Variants in SENP8 observed in about 807,000 individuals in gnomAD.
The protein encoded by SENP8 is sentrin-specific protease 8.
A neutral mutation model predicts 14.4 loss-of-function variants in SENP8; 10 were observed. The observed-to-expected ratio is 0.69, with a 90% CI of 0.43 to 1.18. The LOEUF (loss-of-function observed/expected upper bound fraction) is 1.18. SENP8 is among the 50% of genes most tolerant of loss of function. SENP8 has a pLI of 0.00. For synonymous variants in SENP8, 94 were observed against 95.5 expected, an observed-to-expected ratio of 0.98 and a Z score of 0.09; for missense variants, 202 against 249.4, an observed-to-expected ratio of 0.81 and a Z score of 1.28.
chr15:72,130,557 A>ATTT (rs11411490), intron 1 of SENP8, among the ~76,000 whole-genome samples: 5,033 of 105,874 alleles, frequency 0.048, 225 homozygotes, highest in East Asian at 0.15. Context: ...ATGTTTTAGG[A>ATTT]TTTTTTTTTT....
chr15:72,118,015 G>C, upstream of SENP8: 1 of 398,400 alleles, frequency 2.5e-6, no homozygotes, highest in Non-Finnish European at 4.4e-6. Flanking sequence ...CGCAGTCCGG[G>C]CTGTCCTGTA....
At chr15:72,131,539 T>C (rs1466445752) in intron 1 of SENP8, among the ~76,000 whole-genome samples, 1 of 152,240 alleles carries the variant, frequency 6.6e-6, no homozygotes, top group Non-Finnish European at 1.5e-5. Flanking sequence ...AATATTCAAG[T>C]AGTGTGCATC....
At chr15:72,117,564 C>T, upstream of SENP8, 1 of 374,440 alleles carries the variant, frequency 2.7e-6, no homozygotes, top group Middle Eastern at 6.8e-4. Context: ...CGCAGACCCG[C>T]TCGCGGGGCG....
At chr15:72,138,671 T>TA (rs2081350157) in intron 1 of SENP8, among the ~76,000 whole-genome samples, 1 of 150,090 alleles carries the variant, frequency 6.7e-6, no homozygotes, top group Non-Finnish European at 1.5e-5. Flanking sequence ...TTTGACTCCC[T>TA]AAAAAAATAC....
intron 1 of SENP8, among the ~76,000 whole-genome samples, chr15:72,126,630 AT>A (rs1047607412): frequency 6.3e-3 from 4 of 636 alleles, no homozygotes; most frequent in Non-Finnish European, 0.01. Context: ...ATCTCAAAAA[AT>A]AGGAAAATTT....
At chr15:72,136,922 A>G (rs1330570913) in intron 1 of SENP8, among the ~76,000 whole-genome samples, 1 of 152,170 alleles carries the variant, frequency 6.6e-6, no homozygotes, top group East Asian at 1.9e-4. Flanking sequence ...AGGCTCAAAT[A>G]TTCTACACCC....
chr15:72,124,904 T>C (rs1017221589), intron 1 of SENP8, among the ~76,000 whole-genome samples: 10 of 152,198 alleles, frequency 6.6e-5, no homozygotes, highest in Admixed American at 2.6e-4. Context: ...TTTCTGTATA[T>C]TTTTATCATA....
At chr15:72,137,884 A>T (rs555825608) in intron 1 of SENP8, among the ~76,000 whole-genome samples, 1 of 152,072 alleles carries the variant, frequency 6.6e-6, no homozygotes, top group East Asian at 1.9e-4. Context: ...AGGCAGGAGA[A>T]TGGTGTGAAC....
intron 1 of SENP8, among the ~76,000 whole-genome samples, chr15:72,127,484 A>G (rs1283643232): frequency 1.3e-5 from 2 of 152,102 alleles, no homozygotes; most frequent in African/African-American, 4.8e-5. Context: ...TTGAGGAGTA[A>G]AAAGAAAGTC....
chr15:72,120,291 A>G (rs553334566), intron 1 of SENP8, among the ~76,000 whole-genome samples: 1 of 152,366 alleles, frequency 6.6e-6, no homozygotes, highest in East Asian at 1.9e-4. Context: ...GAGAAGCTGT[A>G]TGAGGTAAAG....
chr15:72,118,767 A>T lies in SENP8; in HGVS notation c.-48+303A>T, dbSNP rs537277377. Among the ~76,000 whole-genome samples, 4 of 152,176 alleles carry T rather than the reference A, an allele frequency of 2.6e-5. No individual in the cohort carries two copies. In the South Asian group the frequency reaches 8.3e-4, roughly 31 times the overall value. ...TCAGCTTTTTGAAGTGCTTTTGTAT[A>T]GGAGACCGTGAGAGAATCCGCAGTG... On this transcript the variant is annotated intron_variant, in intron 1 of 1. Transcript: ENST00000340912.
At chr15:72,129,547 T>TC (rs2081252414) in intron 1 of SENP8, among the ~76,000 whole-genome samples, 1 of 150,776 alleles carries the variant, frequency 6.6e-6, no homozygotes, top group African/African-American at 2.4e-5. Flanking sequence ...TTTTTTTTTT[T>TC]TTTTTTTTTA....
chr15:72,135,008 G>A (rs932123070), intron 1 of SENP8: 6 of 328,074 alleles, frequency 1.8e-5, no homozygotes, highest in Admixed American at 7.9e-5. Flanking sequence ...AAAAGAGCCT[G>A]GGTTCACCCT....
At chr15:72,129,739 A>T (rs1230068791) in intron 1 of SENP8, among the ~76,000 whole-genome samples, 4 of 149,792 alleles carry the variant, frequency 2.7e-5, no homozygotes. Flanking sequence ...GCTACTTAGG[A>T]GGCTAAGGCA....
chr15:72,115,851 TAAC>T, upstream of SENP8, among the ~76,000 whole-genome samples: 1 of 148,078 alleles, frequency 6.8e-6, no homozygotes, highest in African/African-American at 2.4e-5. Context: ...AACATACATA[TAAC>T]ATCAGACACA....
At chr15:72,139,043 G>A (rs1041943454) in intron 1 of SENP8, among the ~76,000 whole-genome samples, 2 of 143,664 alleles carry the variant, frequency 1.4e-5, no homozygotes, top group Non-Finnish European at 3.0e-5. Flanking sequence ...TACATGTTTT[G>A]TAAATGTATT....
At chr15:72,118,911 G>A (rs1407258982) in intron 1 of SENP8, among the ~76,000 whole-genome samples, 4 of 152,168 alleles carry the variant, frequency 2.6e-5, no homozygotes, top group Non-Finnish European at 4.4e-5. Context: ...TGACTTTTGG[G>A]TCACTTTTAG....
chr15:72,132,818 A>G (rs1298164865), intron 1 of SENP8, among the ~76,000 whole-genome samples: 1 of 151,868 alleles, frequency 6.6e-6, no homozygotes, highest in Non-Finnish European at 1.5e-5. Context: ...CTATTCCTCC[A>G]CATTCCTACT....
intron 1 of SENP8, among the ~76,000 whole-genome samples, chr15:72,138,551 T>G (rs112045834): frequency 0.042 from 6,365 of 151,062 alleles, 238 homozygotes; most frequent in East Asian, 0.17. Flanking sequence ...GGTTTCACCA[T>G]GTTGGCCAGG....
Sources: gnomAD v4.1 joint callset for allele counts (sites outside exome capture counted in the v4.1 genomes callset) on GRCh38, gnomAD v4.1.1 for gene constraint, MANE v1.5 for transcripts, NCBI Gene and HGNC (gene_info 2026-07-23, HGNC 2026-07-21) for gene names.